Variants in CLVS1 observed in about 807,000 individuals in gnomAD.
CLVS1 encodes the protein clavesin 1.
CLVS1 carries 10 observed loss-of-function variants against 33.1 expected under a neutral mutation model. The observed-to-expected ratio is 0.30, with a 90% CI of 0.19 to 0.51. The LOEUF is 0.51. CLVS1 is among the 20% of genes least tolerant of loss of function. The pLI is 0.97. For missense variants in CLVS1, 343 were observed against 433.4 expected (o/e 0.79, Z 1.85); for synonymous variants, 163 against 166.1 (o/e 0.98, Z 0.14).
intron 1 of CLVS1, among the ~76,000 whole-genome samples, chr8:61,120,747 C>G (rs1402275719): frequency 4.9e-5 from 7 of 143,482 alleles, no homozygotes; most frequent in Non-Finnish European, 7.6e-5. Context: ...TCTCCAGCTG[C>G]GTGCTGGGAG....
intron 3 of CLVS1, among the ~76,000 whole-genome samples, chr8:61,437,166 C>A (rs74687396): frequency 2.0e-5 from 3 of 152,132 alleles, no homozygotes; most frequent in African/African-American, 7.2e-5. Flanking sequence ...AACACTTGTT[C>A]GTTCTTCCCA....
chr8:61,214,352 A>G (rs1446306041), intron 2 of CLVS1, among the ~76,000 whole-genome samples: 1 of 152,140 alleles, frequency 6.6e-6, no homozygotes, highest in South Asian at 2.1e-4. Context: ...GTGGGGCATC[A>G]TGGAACCTAC....
intron 3 of CLVS1, among the ~76,000 whole-genome samples, chr8:61,412,707 G>A (rs1308766989): frequency 1.3e-5 from 2 of 152,206 alleles, no homozygotes; most frequent in African/African-American, 4.8e-5. Context: ...ACGTGTTCCA[G>A]GAACAACAGG....
chr8:61,372,920 A>T (rs1278666483), intron 2 of CLVS1, among the ~76,000 whole-genome samples: 1 of 152,212 alleles, frequency 6.6e-6, no homozygotes, highest in Non-Finnish European at 1.5e-5. Context: ...ATCACTGGCT[A>T]GGTTGAGCTG....
intron 1 of CLVS1, among the ~76,000 whole-genome samples, chr8:61,122,685 T>C (rs1216913460): frequency 1.3e-5 from 2 of 151,800 alleles, no homozygotes; most frequent in Admixed American, 1.3e-4. Flanking sequence ...CAGAGCATCA[T>C]GAAAGTGATA....
chr8:61,404,646 T>C (rs1469535789), intron 3 of CLVS1, among the ~76,000 whole-genome samples: 1 of 152,194 alleles, frequency 6.6e-6, no homozygotes, highest in Non-Finnish European at 1.5e-5. Context: ...CGAAGGTAGA[T>C]AAAAGACCAG....
At chr8:61,292,391 C>T (rs1810026723) in intron 1 of CLVS1, 1 of 456,202 alleles carries the variant, frequency 2.2e-6, no homozygotes, top group South Asian at 1.5e-5. Context: ...GTCACGGTTA[C>T]ATGGATCTGC....
upstream of CLVS1, among the ~76,000 whole-genome samples, chr8:61,052,456 T>A (rs374889877): frequency 7.9e-5 from 12 of 152,110 alleles, no homozygotes; most frequent in East Asian, 1.9e-3. Context: ...GGGGCCTCAC[T>A]GAAAGGGAAA....
At chr8:61,079,713 C>T (rs184279684) in intron 1 of CLVS1, among the ~76,000 whole-genome samples, 6 of 152,266 alleles carry the variant, frequency 3.9e-5, no homozygotes, top group African/African-American at 1.2e-4. Context: ...AGATTTAAAA[C>T]ATCTACCTCT....
chr8:61,038,722 C>T, the CLVS1 span, among the ~76,000 whole-genome samples: 1 of 152,130 alleles, frequency 6.6e-6, no homozygotes, highest in Non-Finnish European at 1.5e-5. Context: ...TGTGAACGTG[C>T]ATGTGTCTTC....
upstream of CLVS1, among the ~76,000 whole-genome samples, chr8:61,283,992 GT>G (rs1425248602): frequency 6.6e-6 from 1 of 152,040 alleles, no homozygotes; most frequent in Non-Finnish European, 1.5e-5. Flanking sequence ...AAGTGTAAGT[GT>G]TTTTAAAAGT....
At chr8:61,008,177 C>T in the CLVS1 span, among the ~76,000 whole-genome samples, 1 of 152,162 alleles carries the variant, frequency 6.6e-6, no homozygotes, top group Non-Finnish European at 1.5e-5. Flanking sequence ...ACTGTTTTGC[C>T]ATCATCCCTG....
At chr8:60,982,040 C>A in the CLVS1 span, among the ~76,000 whole-genome samples, 1 of 152,178 alleles carries the variant, frequency 6.6e-6, no homozygotes, top group Admixed American at 6.5e-5. Context: ...GAGTTTCTGG[C>A]AAACTCCGCC....
chr8:61,094,514 T>C (rs1482230140), intron 1 of CLVS1, among the ~76,000 whole-genome samples: 2 of 152,212 alleles, frequency 1.3e-5, no homozygotes, highest in Non-Finnish European at 2.9e-5. Flanking sequence ...CTCATGAGGT[T>C]GGGTAACTGT....
chr8:61,180,488 A>T (rs1004068602), intron 2 of CLVS1, among the ~76,000 whole-genome samples: 1 of 152,232 alleles, frequency 6.6e-6, no homozygotes, highest in Non-Finnish European at 1.5e-5. Context: ...CACTAATTTT[A>T]TGAAGCCAGC....
intron 2 of CLVS1, among the ~76,000 whole-genome samples, chr8:61,149,575 A>AAAAAAAAAAAAAAAAAAAAAAAAAAAG (rs1806487568): frequency 6.7e-6 from 1 of 148,638 alleles, no homozygotes; most frequent in Non-Finnish European, 1.5e-5. Flanking sequence ...AAAACAAAAA[A>AAAAAAAAAAAAAAAAAAAAAAAAAAAG]CAAAACAAAA....
At chr8:61,036,008 C>T in the CLVS1 span, among the ~76,000 whole-genome samples, 17,739 of 152,152 alleles carry the variant, frequency 0.12, 1,253 homozygotes, top group African/African-American at 0.2. Context: ...TAGCTTCTTT[C>T]TCCACTTCCC....
intron 2 of CLVS1, among the ~76,000 whole-genome samples, chr8:61,350,527 G>GATCCAAAAATGGATCTT (rs1430597829): frequency 6.6e-6 from 1 of 152,100 alleles, no homozygotes; most frequent in East Asian, 1.9e-4. Flanking sequence ...ATCCTGAATG[G>GATCCAAAAATGGATCTT]CAGTTTTACC....
chr8:60,979,522 G>A, the CLVS1 span, among the ~76,000 whole-genome samples: 1 of 152,206 alleles, frequency 6.6e-6, no homozygotes, highest in African/African-American at 2.4e-5. Flanking sequence ...ATCCCTCCCG[G>A]TATCTGCTTT....
Sources: gnomAD v4.1 joint callset for allele counts (sites outside exome capture counted in the v4.1 genomes callset) on GRCh38, gnomAD v4.1.1 for gene constraint, MANE v1.5 for transcripts, NCBI Gene and HGNC (gene_info 2026-07-23, HGNC 2026-07-21) for gene names.